KIF3A: variants seen among roughly 807,000 people sequenced by gnomAD.
KIF3A encodes kinesin-like protein KIF3A.
Under a neutral mutation model 92.6 loss-of-function variants are expected in KIF3A, and 27 were observed. The observed-to-expected ratio is 0.29, with a 90% CI of 0.21 to 0.40. The LOEUF (loss-of-function observed/expected upper bound fraction) is 0.40, where lower values mean the gene tolerates loss of function less well. Among genes scored for constraint, KIF3A ranks in the 10% least tolerant of loss-of-function variants. The probability of loss-of-function intolerance (pLI) is 1.00; values close to 1 mark genes in which losing one functional copy is unlikely to be tolerated. For synonymous variants in KIF3A, 250 were observed against 275.4 expected (o/e 0.91, Z 0.92); for missense variants, 581 against 872.6 (o/e 0.67, Z 4.21).
At chr5:132,703,331 C>G (rs2149895761) in intron 12 of KIF3A, 132 bp downstream of exon 12, 2 of 760,066 alleles carry the variant, frequency 2.6e-6, no homozygotes, top group Middle Eastern at 3.9e-4. Flanking sequence ...ACAATGGACC[C>G]TTCTATCCAA....
intron 18 of KIF3A, 138 bp from the exon 19 acceptor site, chr5:132,696,820 A>G: frequency 1.6e-6 from 1 of 629,524 alleles, no homozygotes. Context: ...TGACCATGGT[A>G]AGTGTTCAAT....
downstream of KIF3A, among the ~76,000 whole-genome samples, chr5:132,691,961 TTAAAA>T (rs1191979396): frequency 2.3e-4 from 34 of 149,186 alleles, no homozygotes; most frequent in Admixed American, 7.3e-4. Flanking sequence ...AAAATAAAAT[TTAAAA>T]TAAAATAAAA....
Position 132,702,079 on chromosome 5 carries a change from C to T in KIF3A, c.1884+8G>A. On this transcript the variant is annotated splice_region_variant and intron_variant, in intron 15 of 18. Transcript: ENST00000403231. Reference sequence around the variant, plus strand: ...GCGACTATCTCGGTCAGAGAACTTCCTTTTTACCTGATAATCCCGAGGTAT... The same window carrying T: ...GCGACTATCTCGGTCAGAGAACTTCTTTTTTACCTGATAATCCCGAGGTAT... The T allele has an allele frequency of 6.2e-7, 1 of 1,605,890 alleles. No homozygotes were observed. Among genetic ancestry groups the T allele is most frequent in the South Asian group, 1.1e-5 (1 of 90,072 alleles).
intron 2 of KIF3A, 75 bp downstream of exon 2, chr5:132,734,130 C>T: frequency 8.6e-7 from 1 of 1,160,076 alleles, no homozygotes; most frequent in Non-Finnish European, 1.2e-6. Flanking sequence ...AACTGCACAG[C>T]TGCAATATGT....
intron 2 of KIF3A, among the ~76,000 whole-genome samples, chr5:132,731,894 A>G (rs1337255444): frequency 6.6e-6 from 1 of 151,958 alleles, no homozygotes; most frequent in Non-Finnish European, 1.5e-5. Context: ...TATTTTTAGT[A>G]GAGACAGGGT....
Position 132,715,884 on chromosome 5 carries a change from A to T in KIF3A, c.1002T>A (p.Ser334Arg). Residue 334 changes from serine to arginine, a missense_variant, in exon 8 of 19, where the codon AGT (serine) becomes AGA (arginine). Ser to Arg is a moderately radical substitution (Grantham distance 110). Transcript: ENST00000403231. ...TAGCACGATTGGCATACCGTAATGT[A>T]CTGATAGTTTCATCATAATTGTAAT... ...PADYNYDETI[S>R]TLRYANRAKN... 1 of 1,604,724 alleles carries T rather than the reference A, an allele frequency of 6.2e-7. No homozygotes were observed. The highest frequency in any genetic ancestry group is 8.5e-7 in the Non-Finnish European group (1 of 1,175,380).
At chr5:132,701,318 G>A (rs1379432749) in intron 15 of KIF3A, among the ~76,000 whole-genome samples, 2 of 151,904 alleles carry the variant, frequency 1.3e-5, no homozygotes, top group East Asian at 3.9e-4. Flanking sequence ...GGCCAACATG[G>A]CTAAACCCCA....
At chr5:132,697,085 G>A (rs146726311) in intron 18 of KIF3A, among the ~76,000 whole-genome samples, 241 of 152,348 alleles carry the variant, frequency 1.6e-3, no homozygotes, top group African/African-American at 5.4e-3. Flanking sequence ...AATACCTGAT[G>A]CATATGTAGG....
intron 2 of KIF3A, among the ~76,000 whole-genome samples, chr5:132,729,638 A>G (rs919356702): frequency 2.6e-5 from 4 of 152,224 alleles, no homozygotes; most frequent in African/African-American, 9.6e-5. Context: ...TAAATAACAC[A>G]TTTCTAAATA....
Position 132,703,443 on chromosome 5 carries a change from C to T in KIF3A, c.1466+20G>A, listed in dbSNP as rs774693751. On this transcript the variant is annotated intron_variant, in intron 12 of 18. Transcript: ENST00000403231. Reference sequence around the variant, plus strand: ...ACAGAAATTTAAATCATGAATTCATCTCAATTCAATAATACTCACTGGGCT... The same window carrying T: ...ACAGAAATTTAAATCATGAATTCATTTCAATTCAATAATACTCACTGGGCT... The T allele has an allele frequency of 3.2e-6, 5 of 1,549,420 alleles. No homozygotes were observed. The highest frequency in any genetic ancestry group is 2.4e-5 in the South Asian group (2 of 84,538).
rs1189817489 is a variant in KIF3A, at chr5:132,716,400, G to A, written c.799C>T (p.Leu267=). 2 of 1,613,986 alleles carry A rather than the reference G, an allele frequency of 1.2e-6. No individual in the cohort carries two copies. Among genetic ancestry groups the A allele is most frequent in the East Asian group, 4.5e-5 (2 of 44,866 alleles). Residue 267 remains leucine, a synonymous_variant, in exon 7 of 19, where the codon CTA becomes TTA. Transcript: ENST00000403231. ...QAKTGATGQR[L]KEATKINLSL... The stretch of plus-strand genomic sequence containing the variant: ...AGATTGATTTTTGTAGCTTCCTTTA[G>A]GCGCTGTCCAGTAGCTCCAGTTTTT...
intron 14 of KIF3A, 23 bp downstream of exon 14, chr5:132,702,535 A>T (rs752466734): frequency 7.3e-7 from 1 of 1,364,152 alleles, no homozygotes; most frequent in Non-Finnish European, 1.0e-6. Flanking sequence ...CTGCATTAGT[A>T]GGTAATTTCT....
Position 132,724,792 on chromosome 5 carries a change from T to TAA in KIF3A, c.510+1334_510+1335dup, listed in dbSNP as rs756540926. Among the ~76,000 whole-genome samples, 215 of 64,288 alleles carry TAA rather than the reference T, an allele frequency of 3.3e-3. 1 individual carries two copies. Among genetic ancestry groups the TAA allele is most frequent in the East Asian group, 5.9e-3 (4 of 678 alleles). The allele number at this position is 64,288 out of a possible 152,430, so 42.2% of individuals were successfully genotyped here. ...ATGTACCCTAGAACTTAAAGTATAA[T>TAA]AAAAAAAAAAAAAAATATATATATA... On this transcript the variant is annotated intron_variant, in intron 4 of 18. Coordinates refer to ENST00000403231, the MANE Select transcript of KIF3A (RefSeq NM_001300791.2).
intron 8 of KIF3A, among the ~76,000 whole-genome samples, chr5:132,712,480 T>G (rs187293663): frequency 6.6e-5 from 10 of 152,360 alleles, no homozygotes; most frequent in African/African-American, 2.4e-4. Flanking sequence ...ATGAAGGGGC[T>G]GTTCTTCCAT....
At chr5:132,723,146 AAG>A (rs1410778654) in intron 4 of KIF3A, 2 of 152,196 alleles carry the variant, frequency 1.3e-5, no homozygotes, top group Admixed American at 1.3e-4. Context: ...AATGAAATAA[AAG>A]AGGACACAAA....
In KIF3A at chr5:132,720,663, C is replaced by A. The variant is rs1753793937; in HGVS notation, c.562G>T (p.Val188Leu). ...TCCATATCATCAGCATTATTTACCA[C>A]ATAAGCTGATAAATCTTTGATATAA... The part of the protein sequence containing the change: ...GVYIKDLSAY[V>L]VNNADDMDRI... The change falls in exon 5 of 19, where the codon GTG becomes TTG. Residue 188 changes from valine to leucine, a missense_variant. Val to Leu is a conservative substitution (Grantham distance 32). Around this residue, in one of 5 missense-constraint regions of KIF3A, gnomAD observed 217 missense variants for 299.7 expected, o/e 0.72. Transcript: ENST00000403231. The A allele has an allele frequency of 6.2e-7, 1 of 1,612,476 alleles. No homozygotes were observed. The highest frequency in any genetic ancestry group is 1.1e-5 in the South Asian group (1 of 90,830).
chr5:132,726,547 G>A, intron 2 of KIF3A, 49 bp from the exon 3 acceptor site: 1 of 1,487,914 alleles, frequency 6.7e-7, no homozygotes, highest in Non-Finnish European at 9.3e-7. Flanking sequence ...TAATGCTACA[G>A]AACAATAGCT....
chr5:132,691,312 C>G (rs955641037), downstream of KIF3A, among the ~76,000 whole-genome samples: 94 of 152,242 alleles, frequency 6.2e-4, no homozygotes, highest in African/African-American at 2.2e-3. Context: ...CTCTGGGAGG[C>G]CGAGGTGGGT....
intron 15 of KIF3A, among the ~76,000 whole-genome samples, chr5:132,701,098 T>C (rs960814645): frequency 1.3e-5 from 2 of 150,470 alleles, no homozygotes; most frequent in African/African-American, 2.5e-5. Flanking sequence ...GAATGTACCA[T>C]GAACCCAGGA....
Sources: gnomAD v4.1 joint callset for allele counts (sites outside exome capture counted in the v4.1 genomes callset) on GRCh38, gnomAD v4.1.1 for gene constraint, gnomAD v4.1.1 regional missense constraint, MANE v1.5 for transcripts, NCBI Gene and HGNC (gene_info 2026-07-23, HGNC 2026-07-21) for gene names.